DAB1: variants seen among roughly 807,000 people sequenced by gnomAD.
DAB1 encodes the protein disabled homolog 1.
Under a neutral mutation model 64.6 loss-of-function variants are expected in DAB1, and 15 were observed. The observed-to-expected ratio is 0.23, with a 90% confidence interval of 0.16 to 0.36. The LOEUF (loss-of-function observed/expected upper bound fraction) is 0.36. Among genes scored for constraint, DAB1 ranks in the 10% least tolerant of loss-of-function variants. DAB1 has a pLI of 1.00. For synonymous variants in DAB1, 235 were observed against 251.9 expected (o/e 0.93, Z 0.64); for missense variants, 596 against 706.7 (o/e 0.84, Z 1.78).
chr1:58,117,733 G>A (rs1454784643), intron 5 of DAB1, among the ~76,000 whole-genome samples: 2 of 151,994 alleles, frequency 1.3e-5, no homozygotes, highest in Non-Finnish European at 2.9e-5. Flanking sequence ...GATTAGAAAC[G>A]GGAAAATGAA....
At chr1:57,144,826 T>G (rs1658959378) in intron 3 of DAB1, among the ~76,000 whole-genome samples, 1 of 152,214 alleles carries the variant, frequency 6.6e-6, no homozygotes, top group South Asian at 2.1e-4. Context: ...CATTTTACTT[T>G]AAGGATATTA....
In DAB1 at chr1:57,030,008, G is replaced by A. The variant is rs190935489; in HGVS notation, c.724-3965C>T. On this transcript the variant is annotated intron_variant, in intron 9 of 14. Coordinates refer to ENST00000371236, the MANE Select transcript of DAB1 (RefSeq NM_001365792.1). ...ATGAGATTTGGAGGGGCCAGGGGCA[G>A]AATGATATGGTTTGGCTGTGTCCCC... 3.5e-3 allele frequency among the ~76,000 whole-genome samples: 539 copies of A among 152,306 alleles called. 3 individuals carry two copies. Among genetic ancestry groups the A allele is most frequent in the African/African-American group, 0.012 (493 of 41,570 alleles).
chr1:57,914,133 G>A, intron 5 of DAB1, among the ~76,000 whole-genome samples: 1 of 152,112 alleles, frequency 6.6e-6, no homozygotes, highest in Non-Finnish European at 1.5e-5. Context: ...CTGCTACAAA[G>A]ACACATGCAC....
intron 6 of DAB1, among the ~76,000 whole-genome samples, chr1:57,808,717 C>T (rs944254987): frequency 6.6e-6 from 1 of 152,116 alleles, no homozygotes; most frequent in African/African-American, 2.4e-5. Context: ...TAATAATGAT[C>T]CATTATAATG....
intron 7 of DAB1, among the ~76,000 whole-genome samples, chr1:57,555,149 C>T (rs1404154349): frequency 6.8e-6 from 1 of 147,374 alleles, no homozygotes; most frequent in East Asian, 2.1e-4. Flanking sequence ...ATTCTCCTCT[C>T]TCAGCCTCCC....
In DAB1 at chr1:57,070,826, T is replaced by C. The variant is rs988551376; in HGVS notation, c.597+197A>G. On this transcript the variant is annotated intron_variant, in intron 7 of 14. Coordinates refer to ENST00000371236, the MANE Select transcript of DAB1 (RefSeq NM_001365792.1). ...AGAAGCGGATCTCCAAATCCCAAGA[T>C]ACCGATGCCGGCCAAACTTCTGTTA... 34 of 611,106 alleles carry C rather than the reference T, an allele frequency of 5.6e-5. 1 individual carries two copies. The highest frequency in any genetic ancestry group is 2.7e-5 in the Non-Finnish European group (9 of 332,378). The allele number at this position is 611,106 out of a possible 1,614,324, so 37.9% of individuals were successfully genotyped here. A position where few individuals can be genotyped will look rare whatever the true frequency, so the allele number is the denominator to read the frequency against.
intron 5 of DAB1, among the ~76,000 whole-genome samples, chr1:58,011,472 TG>T (rs1202246081): frequency 6.6e-6 from 1 of 152,204 alleles, no homozygotes; most frequent in East Asian, 1.9e-4. Flanking sequence ...ACAGAGTGGT[TG>T]AGTAGTTTGT....
chr1:57,223,682 C>T (rs1467038039), intron 2 of DAB1, among the ~76,000 whole-genome samples: 2 of 152,146 alleles, frequency 1.3e-5, no homozygotes, highest in African/African-American at 4.8e-5. Context: ...AGAACCAACC[C>T]GAAACATCTT....
At chr1:57,931,698 C>T (rs969694228) in intron 5 of DAB1, among the ~76,000 whole-genome samples, 2 of 152,078 alleles carry the variant, frequency 1.3e-5, no homozygotes, top group East Asian at 1.9e-4. Flanking sequence ...GTGATATCTC[C>T]TCTTTTATTT....
chr1:58,514,996 C>A (rs1311806075), intron 2 of DAB1, among the ~76,000 whole-genome samples: 3 of 152,034 alleles, frequency 2.0e-5, no homozygotes, highest in Non-Finnish European at 2.9e-5. Context: ...AGGACAGTGC[C>A]CAGCACATTA....
chr1:57,108,271 T>C (rs761103797), intron 4 of DAB1, among the ~76,000 whole-genome samples: 4 of 152,172 alleles, frequency 2.6e-5, no homozygotes, highest in Non-Finnish European at 5.9e-5. Context: ...TAAGGAGAAA[T>C]GACTAATCCA....
At chr1:58,522,623 C>T (rs1303650297) in intron 2 of DAB1, among the ~76,000 whole-genome samples, 1 of 151,614 alleles carries the variant, frequency 6.6e-6, no homozygotes. Flanking sequence ...GCACTGACCC[C>T]TCTGTGCAGT....
intron 3 of DAB1, among the ~76,000 whole-genome samples, chr1:58,493,978 G>A (rs1645747986): frequency 6.8e-6 from 1 of 146,878 alleles, no homozygotes; most frequent in African/African-American, 2.5e-5. Flanking sequence ...TAAGCAAAAA[G>A]AACAAAGCTG....
chr1:57,183,498 G>GGAAGGA (rs1455113092), intron 2 of DAB1, among the ~76,000 whole-genome samples: 6 of 152,148 alleles, frequency 3.9e-5, no homozygotes, highest in Non-Finnish European at 8.8e-5. Flanking sequence ...AAACAGAGAG[G>GGAAGGA]GAAGGAGGTG....
chr1:57,855,294 C>G (rs1653704337), intron 1 of DAB1, among the ~76,000 whole-genome samples: 1 of 152,184 alleles, frequency 6.6e-6, no homozygotes, highest in Non-Finnish European at 1.5e-5. Flanking sequence ...TTCATTTACT[C>G]ATTCAAAAAA....
At chr1:57,278,257 A>G (rs1671626443) in intron 2 of DAB1, among the ~76,000 whole-genome samples, 1 of 152,222 alleles carries the variant, frequency 6.6e-6, no homozygotes, top group Non-Finnish European at 1.5e-5. Flanking sequence ...TCATCTGTAA[A>G]ATGGGAGTAT....
At position 57,907,560 on chromosome 1, in the gene DAB1, C is replaced by G. The variant is rs182071261; in HGVS notation, n.388-23398G>C. 3.4e-3 allele frequency among the ~76,000 whole-genome samples: 516 copies of G among 152,246 alleles called. 2 individuals are homozygous for G. The highest frequency in any genetic ancestry group is 5.5e-3 in the Non-Finnish European group (375 of 68,010). On this transcript the variant is annotated intron_variant and non_coding_transcript_variant, in intron 5 of 20. Transcript: ENST00000485760. ...ATACTAAGCAATGTATATGTATTAG[C>G]TGTCAACGACCCTATGAGATAGATG...
At chr1:57,155,372 T>C (rs1660112297) in intron 2 of DAB1, among the ~76,000 whole-genome samples, 1 of 152,210 alleles carries the variant, frequency 6.6e-6, no homozygotes, top group South Asian at 2.1e-4. Context: ...TCTATTCTGT[T>C]CCATTGGTCT....
intron 2 of DAB1, among the ~76,000 whole-genome samples, chr1:57,182,477 A>T (rs1663079053): frequency 6.6e-6 from 1 of 152,184 alleles, no homozygotes; most frequent in African/African-American, 2.4e-5. Flanking sequence ...TGCACTCTAC[A>T]TTGTATCACA....
Sources: allele counts gnomAD v4.1 joint callset (sites outside exome capture counted in the v4.1 genomes callset), GRCh38; gene constraint gnomAD v4.1.1; transcripts MANE v1.5; gene names NCBI Gene and HGNC (gene_info 2026-07-23, HGNC 2026-07-21).